Variants in RNF144A observed in about 807,000 individuals in gnomAD.
The protein encoded by RNF144A is E3 ubiquitin-protein ligase RNF144A.
A neutral mutation model predicts 38.7 loss-of-function variants in RNF144A; 11 were observed. The observed-to-expected ratio is 0.28, with a 90% CI of 0.18 to 0.47. The LOEUF (loss-of-function observed/expected upper bound fraction) is 0.47. RNF144A is among the 20% of genes least tolerant of loss of function. The pLI, the probability that RNF144A is intolerant of heterozygous loss-of-function variation, is 0.99. For missense variants in RNF144A, 316 were observed against 377.2 expected (o/e 0.84, Z 1.34); for synonymous variants, 149 against 143.9 (o/e 1.04, Z -0.25).
At chr2:7,023,722 C>T (rs539365017) in intron 6 of RNF144A, among the ~76,000 whole-genome samples, 26 of 152,186 alleles carry the variant, frequency 1.7e-4, no homozygotes, top group African/African-American at 2.7e-4. Flanking sequence ...TCTTGGCACA[C>T]GGAATCTTTT....
At chr2:6,966,115 GTGAGTATGATTA>G (rs1391803342) in intron 2 of RNF144A, among the ~76,000 whole-genome samples, 10 of 152,226 alleles carry the variant, frequency 6.6e-5, no homozygotes, top group African/African-American at 2.2e-4. Context: ...AATAGACTGT[GTGAGTATGATTA>G]TGACAATATT....
intron 6 of RNF144A, among the ~76,000 whole-genome samples, chr2:7,056,714 T>A (rs1456215876): frequency 6.6e-6 from 1 of 152,168 alleles, no homozygotes; most frequent in East Asian, 1.9e-4. Flanking sequence ...CACATTTTGT[T>A]CAGTCCTTGG....
intron 2 of RNF144A, among the ~76,000 whole-genome samples, chr2:6,995,461 G>A (rs405503): frequency 0.25 from 38,009 of 152,048 alleles, 5,770 homozygotes; most frequent in Non-Finnish European, 0.35. Context: ...CGATCACGAC[G>A]TGAGGTCCCA....
intron 8 of RNF144A, among the ~76,000 whole-genome samples, chr2:7,032,285 T>G (rs1367331268): frequency 6.8e-6 from 1 of 147,318 alleles, no homozygotes; most frequent in African/African-American, 2.5e-5. Context: ...CCCTTGCAGC[T>G]CTGCTGGAAT....
intron 2 of RNF144A, among the ~76,000 whole-genome samples, chr2:6,973,814 C>G (rs1422977902): frequency 6.6e-6 from 1 of 152,250 alleles, no homozygotes; most frequent in African/African-American, 2.4e-5. Context: ...GGGCACACGG[C>G]CATGCCCGTT....
chr2:6,936,866 T>TGTGA (rs1215705188), intron 1 of RNF144A, among the ~76,000 whole-genome samples: 2 of 151,722 alleles, frequency 1.3e-5, no homozygotes, highest in Non-Finnish European at 2.9e-5. Flanking sequence ...TGTGTGTGTG[T>TGTGA]GTGTGTGTGT....
At chr2:6,953,053 G>A (rs1666783866) in intron 2 of RNF144A, among the ~76,000 whole-genome samples, 1 of 152,052 alleles carries the variant, frequency 6.6e-6, no homozygotes, top group South Asian at 2.1e-4. Context: ...GGCTATAGTT[G>A]CTTTTCTTAC....
chr2:7,018,685 A>G (rs1671305693), intron 5 of RNF144A, among the ~76,000 whole-genome samples: 1 of 152,244 alleles, frequency 6.6e-6, no homozygotes, highest in African/African-American at 2.4e-5. Flanking sequence ...AAATGTGGAA[A>G]CTATCAACAA....
chr2:6,963,819 C>T (rs1309447274), intron 2 of RNF144A, among the ~76,000 whole-genome samples: 1 of 152,142 alleles, frequency 6.6e-6, no homozygotes, highest in East Asian at 1.9e-4. Flanking sequence ...GTAGTCCCTC[C>T]TCTCAGGCAG....
At chr2:6,967,590 G>A (rs1021480466) in intron 2 of RNF144A, among the ~76,000 whole-genome samples, 16 of 152,236 alleles carry the variant, frequency 1.1e-4, no homozygotes, top group African/African-American at 3.9e-4. Context: ...AACTGAGGCA[G>A]GGGTGTGACA....
At chr2:6,983,887 CCT>C (rs1233362665) in intron 2 of RNF144A, among the ~76,000 whole-genome samples, 6 of 152,238 alleles carry the variant, frequency 3.9e-5, no homozygotes, top group Non-Finnish European at 7.3e-5. Flanking sequence ...ACCCTTGACT[CCT>C]CTCTTTCTCC....
chr2:6,940,601 G>A (rs559334108), intron 1 of RNF144A, among the ~76,000 whole-genome samples: 9 of 151,824 alleles, frequency 5.9e-5, no homozygotes, highest in South Asian at 2.1e-4. Flanking sequence ...TGATTGCCCT[G>A]AGAAGCAAGC....
At chr2:6,970,384 C>T (rs144175999) in intron 2 of RNF144A, among the ~76,000 whole-genome samples, 180 of 152,296 alleles carry the variant, frequency 1.2e-3, no homozygotes, top group African/African-American at 4.2e-3. Context: ...GTGAGTTGGT[C>T]CTCCTTGCCT....
intron 8 of RNF144A, among the ~76,000 whole-genome samples, chr2:7,037,157 T>C (rs781774607): frequency 6.6e-6 from 1 of 152,178 alleles, no homozygotes; most frequent in Non-Finnish European, 1.5e-5. Flanking sequence ...TTTTGCTTTG[T>C]GATATTTGCT....
At position 7,039,614 on chromosome 2, in the gene RNF144A, G is replaced by A. The variant is rs767698220; in HGVS notation, c.748-15G>A. The A allele has an allele frequency of 1.2e-6, 2 of 1,613,706 alleles. No individual in the cohort carries two copies. The highest frequency in any genetic ancestry group is 1.7e-6 in the Non-Finnish European group (2 of 1,179,780). ...CAGCCCTCCTTACCTCTACCCCTTT[G>A]TTTCTTTCTTCCAGGTTGTGGGCAT... On this transcript the variant is annotated splice_polypyrimidine_tract_variant and intron_variant, in intron 8 of 8. Transcript: ENST00000320892.
intron 2 of RNF144A, among the ~76,000 whole-genome samples, chr2:6,986,992 G>T (rs902578074): frequency 5.3e-5 from 8 of 152,118 alleles, no homozygotes; most frequent in African/African-American, 1.4e-4. Flanking sequence ...ATACATTAGT[G>T]TTGAAATAAT....
At chr2:7,047,910 G>A (rs1156980753), downstream of RNF144A, among the ~76,000 whole-genome samples, 1 of 152,124 alleles carries the variant, frequency 6.6e-6, no homozygotes, top group Non-Finnish European at 1.5e-5. Flanking sequence ...TGGTGAAGCT[G>A]GGAACCCAAG....
intron 8 of RNF144A, among the ~76,000 whole-genome samples, chr2:7,037,005 C>T (rs1410484417): frequency 1.3e-5 from 2 of 152,144 alleles, no homozygotes; most frequent in Non-Finnish European, 2.9e-5. Context: ...GGTAACTGTT[C>T]CTTTAAATCT....
chr2:6,998,541 C>T (rs1224021694), intron 3 of RNF144A, among the ~76,000 whole-genome samples: 1 of 152,180 alleles, frequency 6.6e-6, no homozygotes, highest in Non-Finnish European at 1.5e-5. Flanking sequence ...GTGCAGGACC[C>T]AGAAGAGCTA....
Sources: gnomAD v4.1 joint callset for allele counts (sites outside exome capture counted in the v4.1 genomes callset) on GRCh38, gnomAD v4.1.1 for gene constraint, MANE v1.5 for transcripts, NCBI Gene and HGNC (gene_info 2026-07-23, HGNC 2026-07-21) for gene names.